Variants in XIAP observed in about 807,000 individuals in gnomAD.
The protein encoded by XIAP is E3 ubiquitin-protein ligase XIAP.
Under a neutral mutation model 33.1 loss-of-function variants are expected in XIAP, and 3 were observed. The ratio of observed to expected loss-of-function variants is 0.09; its 90% CI spans 0.04 to 0.23. XIAP has a LOEUF of 0.23. Ranked by LOEUF, XIAP falls within the 10% of genes least tolerant of loss-of-function variation. XIAP has a pLI of 1.00. For synonymous variants in XIAP, 98 were observed against 121.3 expected (o/e 0.81, Z 1.26); for missense variants, 264 against 363.0 (o/e 0.73, Z 2.22).
intron 1 of XIAP, among the ~76,000 whole-genome samples, chrX:123,882,873 G>T (rs921797655): frequency 1.8e-5 from 2 of 111,715 alleles, no homozygotes; most frequent in Non-Finnish European, 3.8e-5. Context: ...CCACTTCCTG[G>T]GTTCAAGCAA....
intron 1 of XIAP, 95 bp from the exon 2 acceptor site, chrX:123,885,536 T>C (rs1021633651): frequency 2.9e-6 from 2 of 695,188 alleles, no homozygotes; most frequent in African/African-American, 4.3e-5. Flanking sequence ...TAGTTATTTT[T>C]ATGTCATAAG....
In XIAP at chrX:123,907,347, C is replaced by T. The variant is rs768236559; in HGVS notation, c.*166C>T. 3.4e-5 allele frequency: 18 copies of T among 526,982 alleles called. No individual in the cohort carries two copies. The South Asian group carries it at 4.7e-4, about 14-fold the overall frequency. The allele number at this position is 526,982 out of a possible 1,213,427, so 43.4% of individuals were successfully genotyped here. The stretch of plus-strand genomic sequence containing the variant: ...AGTTGGCAATATAATCTTTGAATTT[C>T]TTGATTTTTCAGGGTATTAGCTGTA... On this transcript the variant is annotated 3_prime_UTR_variant, in exon 7 of 7. Transcript: ENST00000371199.
chrX:123,882,729 T>C (rs1201257018), intron 1 of XIAP, among the ~76,000 whole-genome samples: 1 of 112,617 alleles, frequency 8.9e-6, no homozygotes, highest in Non-Finnish European at 1.9e-5. Context: ...GGATTGCCTT[T>C]AAGTGATTTC....
At chrX:123,879,814 C>G (rs2053280926) in intron 1 of XIAP, among the ~76,000 whole-genome samples, 1 of 111,510 alleles carries the variant, frequency 9.0e-6, no homozygotes, top group African/African-American at 3.3e-5. Context: ...AACCTTTATT[C>G]TACGTATTTG....
At chrX:123,888,134 G>T (rs1214543514) in intron 2 of XIAP, among the ~76,000 whole-genome samples, 1 of 111,517 alleles carries the variant, frequency 9.0e-6, no homozygotes, top group Non-Finnish European at 1.9e-5. Context: ...AGGAGTTCAA[G>T]ATCAGGCTGG....
chrX:123,899,187 TTATATATATATGATTGTG>T (rs1301435162), intron 5 of XIAP, among the ~76,000 whole-genome samples: 12 of 38,045 alleles, frequency 3.2e-4, no homozygotes, highest in Non-Finnish European at 5.7e-4. Context: ...ATATATGATT[TTATATATATATGATTGTG>T]TATATATATA....
rs1363876206 is a variant in XIAP at position 123,912,530 on chromosome X, G to C, written c.*5349G>C. 3.1e-6 allele frequency: 1 copy of C among 327,507 alleles called. No homozygotes were observed. The allele number at this position is 327,507 out of a possible 1,213,427, so 27.0% of individuals were successfully genotyped here. A position where few individuals can be genotyped will look rare whatever the true frequency, so the allele number is the denominator to read the frequency against. ...TGTGCCTGTAGTCCTGGCTACTCCGGAGCCTGAGGTGGGAGGATCGCTTGA... is the reference window on the plus strand; with the variant it reads ...TGTGCCTGTAGTCCTGGCTACTCCGCAGCCTGAGGTGGGAGGATCGCTTGA... On this transcript the variant is annotated 3_prime_UTR_variant, in exon 7 of 7. Transcript: ENST00000371199.
rs761686355 is a variant in XIAP at position 123,911,309 on chromosome X, C to A, written c.*4128C>A. On this transcript the variant is annotated 3_prime_UTR_variant, in exon 7 of 7. Coordinates refer to ENST00000371199, the MANE Select transcript of XIAP (RefSeq NM_001167.4). The stretch of plus-strand genomic sequence containing the variant: ...CCTGACCAACATGGAGAAACCCCGT[C>A]TCTACTAAAAATACAAAATTAGCTG... 3.4e-6 allele frequency: 1 copy of A among 296,021 alleles called. No individual in the cohort carries two copies. Among genetic ancestry groups the A allele is most frequent in the South Asian group, 3.0e-5 (1 of 33,116 alleles). The allele number at this position is 296,021 out of a possible 1,213,427, so 24.4% of individuals were successfully genotyped here. A position where few individuals can be genotyped will look rare whatever the true frequency, so the allele number is the denominator to read the frequency against.
chrX:123,909,775 G>T lies in XIAP; in HGVS notation c.*2594G>T. 3.1e-6 allele frequency: 1 copy of T among 327,810 alleles called. No homozygotes were observed. The highest frequency in any genetic ancestry group is 2.7e-5 in the African/African-American group (1 of 37,671). The allele number at this position is 327,810 out of a possible 1,213,427, so 27.0% of individuals were successfully genotyped here. A position where few individuals can be genotyped will look rare whatever the true frequency, so the allele number is the denominator to read the frequency against. ...GATGTGGCTAACAAGTTTATTTTAA[G>T]AATTGTTTAGAAATGCTGTTGCTTC... is the stretch of plus-strand genomic sequence containing the variant. On this transcript the variant is annotated 3_prime_UTR_variant, in exon 7 of 7. Coordinates refer to ENST00000371199, the MANE Select transcript of XIAP (RefSeq NM_001167.4).
Position 123,868,366 on chromosome X carries a change from C to T in XIAP, c.-33+8073C>T, listed in dbSNP as rs144459350. On this transcript the variant is annotated intron_variant, in intron 1 of 6. Transcript: ENST00000371199. The stretch of plus-strand genomic sequence containing the variant: ...GGGCTTAAGGACTAGTTGATTCCAA[C>T]GATTCAAAACCCATTATAATAGTTT... Among the ~76,000 whole-genome samples, 1,093 of 110,975 alleles carry T rather than the reference C, an allele frequency of 9.8e-3. 10 individuals carry two copies. Among genetic ancestry groups the T allele is most frequent in the Non-Finnish European group, 0.016 (850 of 52,962 alleles).
chrX:123,875,097 A>G (rs2053232446), intron 1 of XIAP, among the ~76,000 whole-genome samples: 1 of 102,401 alleles, frequency 9.8e-6, no homozygotes, highest in African/African-American at 3.6e-5. Context: ...ATCTCAGCTT[A>G]CTGCAACCTC....
intron 1 of XIAP, among the ~76,000 whole-genome samples, chrX:123,877,275 C>G (rs1417635553): frequency 9.0e-6 from 1 of 111,333 alleles, no homozygotes; most frequent in Non-Finnish European, 1.9e-5. Flanking sequence ...CCATGTTGGC[C>G]AGGCTGGTTT....
chrX:123,906,193 A>G (rs2053554519), intron 6 of XIAP, among the ~76,000 whole-genome samples: 1 of 112,140 alleles, frequency 8.9e-6, no homozygotes, highest in African/African-American at 3.2e-5. Flanking sequence ...ACATTTCACA[A>G]AACTATTTTG....
At chrX:123,883,240 G>T (rs984597794) in intron 1 of XIAP, among the ~76,000 whole-genome samples, 1 of 107,271 alleles carries the variant, frequency 9.3e-6, no homozygotes, top group Non-Finnish European at 1.9e-5. Context: ...CTGCCACCAC[G>T]CCTGGCTAAT....
chrX:123,882,419 C>T (rs966236235), intron 1 of XIAP, among the ~76,000 whole-genome samples: 1 of 112,021 alleles, frequency 8.9e-6, no homozygotes, highest in Non-Finnish European at 1.9e-5. Flanking sequence ...ATCCTCTCTA[C>T]CCTTCCCCTC....
intron 1 of XIAP, among the ~76,000 whole-genome samples, chrX:123,877,319 G>A (rs1357381263): frequency 2.7e-5 from 3 of 111,247 alleles, no homozygotes; most frequent in African/African-American, 9.8e-5. Flanking sequence ...CGCCTGCCTC[G>A]GCCTCCCAAA....
At chrX:123,875,977 C>T (rs1415755113) in intron 1 of XIAP, among the ~76,000 whole-genome samples, 1 of 112,368 alleles carries the variant, frequency 8.9e-6, no homozygotes, top group Non-Finnish European at 1.9e-5. Context: ...TGAGCCACTG[C>T]ACCCAGCCTT....
intron 6 of XIAP, among the ~76,000 whole-genome samples, chrX:123,901,913 A>G (rs2053517371): frequency 9.1e-6 from 1 of 110,360 alleles, no homozygotes; most frequent in African/African-American, 3.3e-5. Context: ...GCTCACTGCA[A>G]CCTCCGCCTC....
chrX:123,907,540 G>A lies in XIAP; in HGVS notation c.*359G>A, dbSNP rs2053564531. On this transcript the variant is annotated 3_prime_UTR_variant, in exon 7 of 7. Coordinates refer to ENST00000371199, the MANE Select transcript of XIAP (RefSeq NM_001167.4). ...TCTTTTCAGATAGGCTTAACAAATG[G>A]AGCTTTCTGTATATAAATGTGGAGA... 2.6e-6 allele frequency: 1 copy of A among 377,537 alleles called. No homozygotes were observed. Among genetic ancestry groups the A allele is most frequent in the African/African-American group, 2.5e-5 (1 of 39,908 alleles). The allele number at this position is 377,537 out of a possible 1,213,427, so 31.1% of individuals were successfully genotyped here. A position where few individuals can be genotyped will look rare whatever the true frequency, so the allele number is the denominator to read the frequency against.
Sources: gnomAD v4.1 joint callset for allele counts (sites outside exome capture counted in the v4.1 genomes callset) on GRCh38, gnomAD v4.1.1 for gene constraint, MANE v1.5 for transcripts, NCBI Gene and HGNC (gene_info 2026-07-23, HGNC 2026-07-21) for gene names.